Variants in SIAH1 observed in about 807,000 individuals in gnomAD.
SIAH1 encodes the protein E3 ubiquitin-protein ligase SIAH1.
SIAH1 carries 2 observed loss-of-function variants against 20.0 expected under a neutral mutation model. The ratio of observed to expected loss-of-function variants is 0.10; its 90% CI spans 0.04 to 0.31. SIAH1 has a LOEUF of 0.31. Among genes scored for constraint, SIAH1 ranks in the 10% least tolerant of loss-of-function variants. The probability of loss-of-function intolerance (pLI) is 1.00; values close to 1 mark genes in which losing one functional copy is unlikely to be tolerated. For missense variants in SIAH1, 119 were observed against 355.3 expected (o/e 0.33, Z 5.35); for synonymous variants, 118 against 125.3 (o/e 0.94, Z 0.39).
rs1234430254 is a variant in SIAH1, at chr16:48,362,640, C to CT, written c.-2-211dup. ...AGGATCTGTACACTGGATAAGCTCT[C>CT]TTTTCAAAATGTTCCGGAAAACATG... On this transcript the variant is annotated intron_variant, in intron 1 of 1. Coordinates refer to ENST00000394725, the MANE Select transcript of SIAH1 (RefSeq NM_003031.4). The surrounding 1 kb of genome is among the most constrained non-coding windows in gnomAD (Gnocchi z 4.2). 3 of 532,258 alleles carry CT rather than the reference C, an allele frequency of 5.6e-6. No homozygotes were observed. Among genetic ancestry groups the CT allele is most frequent in the Non-Finnish European group, 6.8e-6 (2 of 295,370 alleles). The allele number at this position is 532,258 out of a possible 1,614,324, so 33.0% of individuals were successfully genotyped here.
chr16:48,383,502 G>A (rs144460438), intron 1 of SIAH1, among the ~76,000 whole-genome samples: 4 of 152,258 alleles, frequency 2.6e-5, no homozygotes, highest in Admixed American at 2.6e-4. Flanking sequence ...CTGCTCTTCA[G>A]TAACTTCTAA....
upstream of SIAH1, among the ~76,000 whole-genome samples, chr16:48,385,737 GGCCGCGTGA>G: frequency 6.6e-6 from 1 of 151,994 alleles, no homozygotes; most frequent in South Asian, 2.1e-4. Flanking sequence ...TTTGTTCCGG[GGCCGCGTGA>G]CCCCCCCGGC....
In SIAH1 at chr16:48,361,754, A is replaced by G; in HGVS notation, c.675T>C (p.Leu225=). Reference sequence around the variant, plus strand: ...ATCGTCGCCTATGACCATTTAGCTCAAGTCGGTAAGCAAAATTTTCAGCTT... The same window carrying G: ...ATCGTCGCCTATGACCATTTAGCTCGAGTCGGTAAGCAAAATTTTCAGCTT... ...RKQAENFAYR[L]ELNGHRRRLT... Residue 225 remains leucine (L), a synonymous_variant, in exon 2 of 2, where the codon CTT becomes CTC. Transcript: ENST00000394725. The G allele has an allele frequency of 1.2e-6, 2 of 1,612,736 alleles. No homozygotes were observed. The highest frequency in any genetic ancestry group is 1.7e-6 in the Non-Finnish European group (2 of 1,178,724).
rs561668008 is a variant in SIAH1, at chr16:48,382,636, C to T, written c.-3+2568G>A. 2.6e-5 allele frequency among the ~76,000 whole-genome samples: 4 copies of T among 151,830 alleles called. No homozygotes were observed. The South Asian group carries it at 8.3e-4, about 32-fold the overall frequency. ...TAAAAAGGAAAATTTCCTTTTTTGG[C>T]GGGGGGATGGAAGGTTCTGGGGATT... On this transcript the variant is annotated intron_variant, in intron 1 of 1. Coordinates refer to ENST00000394725, the MANE Select transcript of SIAH1 (RefSeq NM_003031.4).
chr16:48,362,209 T>C lies in SIAH1; in HGVS notation c.220A>G (p.Thr74Ala). Residue 74 changes from threonine (T) to alanine (A), a missense_variant, in exon 2 of 2, where the codon ACT (threonine) becomes GCT (alanine). By Grantham distance (58) the Thr-to-Ala change is moderately conservative. Around this residue, in one of 2 missense-constraint regions of SIAH1, gnomAD observed 84 missense variants for 307.8 expected, o/e 0.27. Coordinates refer to ENST00000394725, the MANE Select transcript of SIAH1 (RefSeq NM_003031.4). This position sits in a 1 kb window ranked among gnomAD's most constrained non-coding sequence, Gnocchi z 4.2. Reference protein sequence around the residue: ...NCRPKLTCCPTCRGPLGSIRN... With the variant: ...NCRPKLTCCPACRGPLGSIRN... ...ATGGATCCCAAAGGGCCCCGGCAAG[T>C]TGGACAACATGTGAGCTTTGGGCGA... 6.2e-7 allele frequency: 1 copy of C among 1,614,174 alleles called. No homozygotes were observed. Among genetic ancestry groups the C allele is most frequent in the Non-Finnish European group, 8.5e-7 (1 of 1,180,032 alleles).
intron 1 of SIAH1, chr16:48,363,116 T>C (rs185322073): frequency 3.9e-4 from 65 of 167,206 alleles, no homozygotes; most frequent in African/African-American, 1.4e-3. Context: ...TCCTCAGGTT[T>C]TGGTATGGAG....
upstream of SIAH1, among the ~76,000 whole-genome samples, chr16:48,386,479 C>T (rs1338323660): frequency 6.6e-6 from 1 of 152,150 alleles, no homozygotes; most frequent in Non-Finnish European, 1.5e-5. Flanking sequence ...TGCACTCCAG[C>T]CTGGACAACA....
chr16:48,372,947 G>A (rs921598734), intron 1 of SIAH1, among the ~76,000 whole-genome samples: 42 of 151,990 alleles, frequency 2.8e-4, no homozygotes, highest in African/African-American at 9.7e-4. Flanking sequence ...CAGAGTTGAC[G>A]GATCACTGGG....
chr16:48,362,372 G>A lies in SIAH1; in HGVS notation c.57C>T (p.Ser19=), dbSNP rs779762711. 1 of 1,614,138 alleles carries A rather than the reference G, an allele frequency of 6.2e-7. No individual in the cohort carries two copies. The highest frequency in any genetic ancestry group is 8.5e-7 in the Non-Finnish European group (1 of 1,180,016). Residue 19 remains serine (S), a synonymous_variant, in exon 2 of 2, where the codon TCC becomes TCT. Transcript: ENST00000394725. The surrounding 1 kb of genome is among the most constrained non-coding windows in gnomAD (Gnocchi z 4.2). The part of the protein sequence containing the change: ...LPTGTSKCPP[S]QRVPALTGTT... ...TGCCAGTCAGGGCAGGCACCCTCTG[G>A]GATGGTGGACACTTCGAGGTACCGG...
At chr16:48,384,828 G>C (rs1961401549) in intron 1 of SIAH1, among the ~76,000 whole-genome samples, 1 of 148,514 alleles carries the variant, frequency 6.7e-6, no homozygotes. Context: ...AGGCCGGCAC[G>C]AGGGCGCGGG....
At chr16:48,380,046 A>C (rs1311392379) in intron 1 of SIAH1, among the ~76,000 whole-genome samples, 1 of 152,244 alleles carries the variant, frequency 6.6e-6, no homozygotes, top group Non-Finnish European at 1.5e-5. Flanking sequence ...AGGTAGAAGG[A>C]AATGAATGTA....
chr16:48,376,618 A>G (rs1961116245), intron 1 of SIAH1, among the ~76,000 whole-genome samples: 1 of 152,070 alleles, frequency 6.6e-6, no homozygotes, highest in Non-Finnish European at 1.5e-5. Context: ...CAGCCTCCCA[A>G]GTAGCTGGGA....
At chr16:48,380,974 C>T (rs183985330) in intron 1 of SIAH1, among the ~76,000 whole-genome samples, 116 of 146,096 alleles carry the variant, frequency 7.9e-4, no homozygotes, top group African/African-American at 2.9e-3. Context: ...ACAGTGGTAG[C>T]TCCAAATCCG....
chr16:48,380,434 G>A lies in SIAH1; in HGVS notation c.-3+4770C>T, dbSNP rs74417185. 8.6e-3 allele frequency among the ~76,000 whole-genome samples: 1,301 copies of A among 151,232 alleles called. 24 individuals are homozygous for A. The highest frequency in any genetic ancestry group is 0.03 in the African/African-American group (1,239 of 41,198). ...CGCCACCGCACTCCAGTCTGGACAAGAGTAAGACTCTGTCTCCAAAAAAAC... is the reference window on the plus strand; with the variant it reads ...CGCCACCGCACTCCAGTCTGGACAAAAGTAAGACTCTGTCTCCAAAAAAAC... On this transcript the variant is annotated intron_variant, in intron 1 of 1. Coordinates refer to ENST00000394725, the MANE Select transcript of SIAH1 (RefSeq NM_003031.4).
At chr16:48,368,202 G>A (rs1006596986) in intron 1 of SIAH1, among the ~76,000 whole-genome samples, 14 of 152,230 alleles carry the variant, frequency 9.2e-5, no homozygotes, top group East Asian at 1.9e-4. Flanking sequence ...CGTGAGGGAC[G>A]GGGTGAGAAA....
Position 48,365,341 on chromosome 16 carries a change from G to A in SIAH1, c.-2-2911C>T, listed in dbSNP as rs763501551. On this transcript the variant is annotated intron_variant, in intron 1 of 1. Transcript: ENST00000394725. ...CAGGCAGGTTCCACTGACTAATAGC[G>A]TTCAAGTTTCACAGCCTCAGCAAAC... is the stretch of plus-strand genomic sequence containing the variant. 3.7e-6 allele frequency: 6 copies of A among 1,608,500 alleles called. No individual in the cohort carries two copies. In the South Asian group the frequency reaches 5.5e-5, roughly 15 times the overall value.
chr16:48,382,152 G>T (rs375760593), intron 1 of SIAH1, among the ~76,000 whole-genome samples: 1 of 152,138 alleles, frequency 6.6e-6, no homozygotes, highest in African/African-American at 2.4e-5. Context: ...CGAGGTGGGC[G>T]GATTACTTGA....
intron 1 of SIAH1, among the ~76,000 whole-genome samples, chr16:48,377,759 G>T (rs1961151088): frequency 1.3e-5 from 2 of 151,924 alleles, no homozygotes; most frequent in Non-Finnish European, 2.9e-5. Context: ...ATTTGAGATG[G>T]TCAGGGAAAA....
At chr16:48,367,388 C>T (rs1223691951) in intron 1 of SIAH1, among the ~76,000 whole-genome samples, 1 of 152,184 alleles carries the variant, frequency 6.6e-6, no homozygotes, top group East Asian at 1.9e-4. Flanking sequence ...ACTCTGAAAA[C>T]CACTGATCTA....
Sources: gnomAD v4.1 joint callset for allele counts (sites outside exome capture counted in the v4.1 genomes callset) on GRCh38, gnomAD v4.1.1 for gene constraint, gnomAD v4.1.1 regional missense constraint, Gnocchi (gnomAD v3.1) non-coding constraint, MANE v1.5 for transcripts, NCBI Gene and HGNC (gene_info 2026-07-23, HGNC 2026-07-21) for gene names.